ZNF185: variants seen among roughly 807,000 people sequenced by gnomAD.
The protein encoded by ZNF185 is zinc finger protein 185.
A neutral mutation model predicts 58.6 loss-of-function variants in ZNF185; 56 were observed. The ratio of observed to expected loss-of-function variants is 0.95; its 90% CI spans 0.77 to 1.19. ZNF185 has a LOEUF of 1.19. Ranked by LOEUF, ZNF185 falls within the 50% of genes most tolerant of loss-of-function variation. The pLI is 0.00. For missense variants in ZNF185, 627 were observed against 573.5 expected (o/e 1.09, Z -0.95); for synonymous variants, 230 against 215.9 (o/e 1.07, Z -0.57).
At chrX:152,937,286 T>C (rs1315358791) in intron 14 of ZNF185, among the ~76,000 whole-genome samples, 1 of 111,859 alleles carries the variant, frequency 8.9e-6, no homozygotes, top group Non-Finnish European at 1.9e-5. Context: ...AGCAGCTCTC[T>C]TACACAGCTT....
rs190635260 is a variant in ZNF185, at chrX:152,937,525, C to G, written c.1122-549C>G. On this transcript the variant is annotated intron_variant, in intron 14 of 22. Coordinates refer to ENST00000449285, the Ensembl canonical transcript of ZNF185. ...TGCAAAGACAGACAGCTCTTGCTCTCTCTCTTTCTCTAGGTTCCCGTGCAC... is the reference window on the plus strand; with the variant it reads ...TGCAAAGACAGACAGCTCTTGCTCTGTCTCTTTCTCTAGGTTCCCGTGCAC... Among the ~76,000 whole-genome samples the G allele has an allele frequency of 1.8e-3, 206 of 111,444 alleles. 5 individuals carry two copies. The highest frequency in any genetic ancestry group is 6.4e-3 in the African/African-American group (197 of 30,588).
At chrX:152,902,689 T>C in the ZNF185 span, among the ~76,000 whole-genome samples, 4 of 111,823 alleles carry the variant, frequency 3.6e-5, no homozygotes, top group African/African-American at 1.3e-4. Context: ...GCTCTGAAAA[T>C]GCTTGTTGCA....
exon 15 of ZNF185, chrX:152,938,082 C>A: frequency 8.5e-7 from 1 of 1,177,692 alleles, no homozygotes; most frequent in Non-Finnish European, 1.1e-6. Context: ...AGCTCCAGTG[C>A]CACTTCAGTC....
At chrX:152,968,643 C>T (rs782114331) in intron 20 of ZNF185, among the ~76,000 whole-genome samples, 5 of 112,774 alleles carry the variant, frequency 4.4e-5, no homozygotes, top group South Asian at 7.2e-4. Context: ...CTGGGTCCTC[C>T]GACAGAGCTA....
chrX:152,910,935 T>C (rs1304121288), upstream of ZNF185, among the ~76,000 whole-genome samples: 1 of 112,138 alleles, frequency 8.9e-6, no homozygotes, highest in East Asian at 2.8e-4. Flanking sequence ...TGTGAAGGGC[T>C]GGACAAGGGG....
chrX:152,914,552 G>A (rs782596879), intron 1 of ZNF185, 29 bp downstream of exon 2: 22 of 1,159,775 alleles, frequency 1.9e-5, no homozygotes, highest in Non-Finnish European at 2.4e-5. Context: ...GGTTTCCCAG[G>A]CTCTGTTTGG....
intron 3 of ZNF185, 149 bp downstream of exon 4, chrX:152,915,352 G>T (rs928565583): frequency 1.8e-6 from 1 of 560,180 alleles, no homozygotes; most frequent in African/African-American, 2.3e-5. Flanking sequence ...TTTGAAATCT[G>T]CAGGAAGGAG....
intron 16 of ZNF185, among the ~76,000 whole-genome samples, chrX:152,958,930 G>A (rs1046113130): frequency 5.3e-5 from 6 of 112,291 alleles, no homozygotes; most frequent in Admixed American, 9.3e-5. Context: ...ACGCCTGCGC[G>A]TGCCGCCATT....
intron 16 of ZNF185, among the ~76,000 whole-genome samples, chrX:152,956,797 A>G (rs782655369): frequency 2.8e-4 from 32 of 112,746 alleles, no homozygotes; most frequent in African/African-American, 9.0e-4. Flanking sequence ...TTTTATACCA[A>G]ATAAGCCAAA....
At chrX:152,936,583 C>T in intron 14 of ZNF185, 70 bp downstream of exon 16, 1 of 953,462 alleles carries the variant, frequency 1.0e-6, no homozygotes, top group Non-Finnish European at 1.5e-6. Context: ...CCAGCCTCAG[C>T]TGCAGCACCC....
upstream of ZNF185, chrX:152,914,383 T>G: frequency 1.3e-6 from 1 of 746,919 alleles, no homozygotes; most frequent in Admixed American, 3.6e-5. Context: ...AGGACCCATA[T>G]GGTCACCTGC....
intron 16 of ZNF185, among the ~76,000 whole-genome samples, chrX:152,953,938 G>A (rs1453026215): frequency 9.1e-6 from 1 of 110,400 alleles, no homozygotes; most frequent in Non-Finnish European, 1.9e-5. Flanking sequence ...ATGGGGTTTC[G>A]CCATGCTGGC....
the ZNF185 span, among the ~76,000 whole-genome samples, chrX:152,905,504 G>A: frequency 1.8e-5 from 2 of 111,897 alleles, no homozygotes; most frequent in Non-Finnish European, 1.9e-5. Context: ...GCATTTGCTC[G>A]AAAGACAGCA....
intron 11 of ZNF185, among the ~76,000 whole-genome samples, chrX:152,926,372 C>T (rs1222285718): frequency 8.9e-5 from 10 of 112,587 alleles, no homozygotes; most frequent in Non-Finnish European, 1.7e-4. Context: ...CAGTCATAGG[C>T]GTGCTGAGCT....
chrX:152,907,264 G>A, the ZNF185 span, among the ~76,000 whole-genome samples: 2 of 111,407 alleles, frequency 1.8e-5, no homozygotes, highest in Admixed American at 1.9e-4. Context: ...AGCCCCCTGC[G>A]TCAGCTCCCC....
At chrX:152,929,052 T>C (rs1556875082) in intron 12 of ZNF185, among the ~76,000 whole-genome samples, 1 of 111,335 alleles carries the variant, frequency 9.0e-6, no homozygotes, top group Non-Finnish European at 1.9e-5. Flanking sequence ...ATGGGACCAG[T>C]CAGCCGTGCT....
intron 14 of ZNF185, among the ~76,000 whole-genome samples, chrX:152,937,782 G>C (rs1319761716): frequency 1.8e-5 from 2 of 112,248 alleles, no homozygotes; most frequent in Non-Finnish European, 3.8e-5. Context: ...AGCACATCCA[G>C]GTACCTTACA....
At position 152,914,660 on chromosome X, in the gene ZNF185, G is replaced by A. The variant is rs781938454; in HGVS notation, c.35-50G>A. On this transcript the variant is annotated intron_variant, in intron 1 of 22. Transcript: ENST00000449285. ...GGGAGAACTGGAAAGGAGGTCGAGG[G>A]TCCTGGGGCTGCATTCCTCTTCTGA... 4 of 1,188,353 alleles carry A rather than the reference G, an allele frequency of 3.4e-6. No individual in the cohort carries two copies. In the South Asian group the frequency reaches 5.6e-5, roughly 17 times the overall value.
At chrX:152,911,735 C>A (rs868969029), upstream of ZNF185, among the ~76,000 whole-genome samples, 7 of 41,257 alleles carry the variant, frequency 1.7e-4, no homozygotes, top group East Asian at 3.7e-3. Flanking sequence ...CCATCCCATC[C>A]CATCACATCC....
Sources: gnomAD v4.1 joint callset for allele counts (sites outside exome capture counted in the v4.1 genomes callset) on GRCh38, gnomAD v4.1.1 for gene constraint, MANE v1.5 for transcripts, NCBI Gene and HGNC (gene_info 2026-07-23, HGNC 2026-07-21) for gene names.